Variants in RALY observed in about 807,000 individuals in gnomAD.
RALY encodes the protein RNA-binding protein Raly.
Under a neutral mutation model 30.7 loss-of-function variants are expected in RALY, and 15 were observed. That is an observed-to-expected ratio of 0.49 (90% CI 0.33 to 0.75). The LOEUF (loss-of-function observed/expected upper bound fraction) is 0.75. Among genes scored for constraint, RALY ranks in the 30% least tolerant of loss-of-function variants. The probability of loss-of-function intolerance (pLI) is 0.02; values close to 1 mark genes in which losing one functional copy is unlikely to be tolerated. For missense variants in RALY, 339 were observed against 414.3 expected, an observed-to-expected ratio of 0.82 and a Z score of 1.58; for synonymous variants, 177 against 170.8, an observed-to-expected ratio of 1.04 and a Z score of -0.28.
At chr20:34,039,952 A>C (rs1023717936) in intron 2 of RALY, among the ~76,000 whole-genome samples, 11 of 152,146 alleles carry the variant, frequency 7.2e-5, no homozygotes, top group Non-Finnish European at 1.5e-5. Flanking sequence ...CTCTACTAAA[A>C]ATACAAAAAT....
intron 2 of RALY, among the ~76,000 whole-genome samples, chr20:34,054,451 C>G (rs564755888): frequency 6.6e-6 from 1 of 152,124 alleles, no homozygotes; most frequent in African/African-American, 2.4e-5. Context: ...AAAGCTTTCC[C>G]GAAGAGTTTT....
At chr20:34,068,987 A>T (rs1007200994) in intron 2 of RALY, among the ~76,000 whole-genome samples, 6 of 152,354 alleles carry the variant, frequency 3.9e-5, no homozygotes, top group Admixed American at 3.9e-4. Flanking sequence ...TTGGGTACCT[A>T]GCGCATGCCA....
At chr20:34,042,887 A>T (rs1434606436) in intron 2 of RALY, among the ~76,000 whole-genome samples, 2 of 152,250 alleles carry the variant, frequency 1.3e-5, no homozygotes, top group African/African-American at 4.8e-5. Flanking sequence ...CAGATGACTT[A>T]GTTCATAGTA....
At chr20:34,069,889 C>T (rs961224920) in intron 2 of RALY, among the ~76,000 whole-genome samples, 3 of 152,154 alleles carry the variant, frequency 2.0e-5, no homozygotes, top group African/African-American at 7.2e-5. Flanking sequence ...CCCTCTCAGC[C>T]CCTTTCCTTT....
intron 1 of RALY, among the ~76,000 whole-genome samples, chr20:33,999,952 T>A (rs542956449): frequency 5.9e-4 from 90 of 152,276 alleles, no homozygotes; most frequent in Middle Eastern, 3.4e-3. Context: ...GTGGTTTAGA[T>A]AATATATCTC....
intron 1 of RALY, among the ~76,000 whole-genome samples, chr20:34,014,556 G>A (rs2031535052): frequency 6.6e-6 from 1 of 152,092 alleles, no homozygotes. Context: ...GGATTTGGGT[G>A]GAGTATTATG....
intron 1 of RALY, among the ~76,000 whole-genome samples, chr20:34,018,903 T>C (rs2031709942): frequency 6.6e-6 from 1 of 152,166 alleles, no homozygotes; most frequent in Non-Finnish European, 1.5e-5. Flanking sequence ...TCACCTGCCT[T>C]GGGGAACCAA....
chr20:34,040,110 CA>C (rs796083288), intron 2 of RALY, among the ~76,000 whole-genome samples: 125 of 134,652 alleles, frequency 9.3e-4, no homozygotes, highest in East Asian at 7.3e-3. Context: ...GACCCCATCT[CA>C]AAAAAAAAAA....
chr20:34,064,417 C>A (rs2033508450), intron 2 of RALY, among the ~76,000 whole-genome samples: 1 of 152,098 alleles, frequency 6.6e-6, no homozygotes, highest in Non-Finnish European at 1.5e-5. Context: ...GATATGGATA[C>A]CAATGTCAGT....
Position 34,075,819 on chromosome 20 carries a change from ACCG to A in RALY, c.378-52_378-50del, listed in dbSNP as rs1601513397. On this transcript the variant is annotated intron_variant, in intron 5 of 9. Coordinates refer to ENST00000246194, the MANE Select transcript of RALY (RefSeq NM_016732.3). ...ACACGTTTGTAGCCGGAGCTGCAAT[ACCG>A]CCCTGGTGGCCACAAGCCATGCTGC... is the stretch of plus-strand genomic sequence containing the variant. 8 of 1,557,336 alleles carry A rather than the reference ACCG, an allele frequency of 5.1e-6. No homozygotes were observed. The East Asian group carries it at 1.9e-4, about 36-fold the overall frequency.
intron 1 of RALY, among the ~76,000 whole-genome samples, chr20:34,013,251 T>TA (rs922061740): frequency 6.2e-4 from 88 of 143,026 alleles, no homozygotes; most frequent in East Asian, 1.2e-3. Flanking sequence ...ACAAACAAAA[T>TA]AAAAAAAAAA....
rs1015858446 is a variant in RALY at position 34,080,430 on chromosome 20, C to G, written c.*525C>G. 7 of 152,454 alleles carry G rather than the reference C, an allele frequency of 4.6e-5. No homozygotes were observed. The highest frequency in any genetic ancestry group is 1.7e-4 in the African/African-American group (7 of 41,398). 9.4% of individuals were successfully genotyped at this position (152,454 alleles called of 1,614,324 possible). A position where few individuals can be genotyped will look rare whatever the true frequency, so the allele number is the denominator to read the frequency against. ...ACTGGGGAGGGTTGGATATGCTGGC[C>G]CATGAGCATCTTGCTGGCTGAAGTG... On this transcript the variant is annotated 3_prime_UTR_variant, in exon 10 of 10. Transcript: ENST00000246194.
At chr20:34,027,319 G>T (rs767324423) in intron 1 of RALY, among the ~76,000 whole-genome samples, 14 of 152,300 alleles carry the variant, frequency 9.2e-5, no homozygotes, top group Non-Finnish European at 1.9e-4. Context: ...AGCCTCACCT[G>T]TCTTCAGTTA....
chr20:34,046,401 A>G (rs1238303913), intron 2 of RALY, among the ~76,000 whole-genome samples: 3 of 152,146 alleles, frequency 2.0e-5, no homozygotes, highest in African/African-American at 4.8e-5. Context: ...GGCTATTAAC[A>G]CCTGCTTCAT....
intron 9 of RALY, 77 bp downstream of exon 9, chr20:34,078,630 C>A: frequency 7.3e-7 from 1 of 1,363,936 alleles, no homozygotes; most frequent in Non-Finnish European, 9.8e-7. Context: ...CTGGATTGGG[C>A]AGGAAGTGTC....
intron 2 of RALY, among the ~76,000 whole-genome samples, chr20:34,034,158 C>T (rs1399407618): frequency 6.6e-6 from 1 of 152,218 alleles, no homozygotes; most frequent in Admixed American, 6.5e-5. Context: ...GGTTCCCTGC[C>T]TGCCTCTGCT....
intron 2 of RALY, among the ~76,000 whole-genome samples, chr20:34,057,838 T>C (rs952834436): frequency 6.6e-6 from 1 of 151,962 alleles, no homozygotes; most frequent in Non-Finnish European, 1.5e-5. Flanking sequence ...GCGTGGTGAA[T>C]AACAGTATGT....
chr20:34,031,037 C>A (rs982763524), intron 1 of RALY, among the ~76,000 whole-genome samples: 8 of 122,690 alleles, frequency 6.5e-5, no homozygotes, highest in African/African-American at 3.3e-5. Context: ...CCTCCCCTTC[C>A]CTCCCCTTCC....
chr20:34,078,997 A>G (rs755989164), intron 9 of RALY, among the ~76,000 whole-genome samples: 1 of 152,242 alleles, frequency 6.6e-6, no homozygotes, highest in Non-Finnish European at 1.5e-5. Context: ...GGCCTTAGCC[A>G]TACAGAGCTG....
Sources: allele counts gnomAD v4.1 joint callset (sites outside exome capture counted in the v4.1 genomes callset), GRCh38; gene constraint gnomAD v4.1.1; transcripts MANE v1.5; gene names NCBI Gene and HGNC (gene_info 2026-07-23, HGNC 2026-07-21).